USH2A: variants seen among roughly 807,000 people sequenced by gnomAD.
The protein encoded by USH2A is usherin.
In USH2A, 443 loss-of-function variants were observed where a neutral mutation model predicts 538.9. The observed-to-expected ratio is 0.82, with a 90% CI of 0.76 to 0.89. The LOEUF (loss-of-function observed/expected upper bound fraction) is 0.89, where lower values mean the gene tolerates loss of function less well. Ranked by LOEUF, USH2A falls within the 40% of genes least tolerant of loss-of-function variation. USH2A has a pLI of 0.00. For missense variants in USH2A, 6,633 were observed against 6,324.8 expected (o/e 1.05, Z -1.65); for synonymous variants, 2,413 against 2,273.5 (o/e 1.06, Z -1.75).
chr1:216,223,857 TC>T (rs1341376002), intron 14 of USH2A, among the ~76,000 whole-genome samples: 1 of 152,166 alleles, frequency 6.6e-6, no homozygotes, highest in Non-Finnish European at 1.5e-5. Flanking sequence ...TTGAGATCAA[TC>T]GGATAAAGGC....
intron 62 of USH2A, among the ~76,000 whole-genome samples, chr1:215,678,771 CCTGA>C (rs1408885047): frequency 8.5e-5 from 13 of 152,098 alleles, no homozygotes; most frequent in African/African-American, 1.4e-4. Flanking sequence ...CATCAGGGAA[CCTGA>C]CTGTCTTGTT....
intron 38 of USH2A, among the ~76,000 whole-genome samples, chr1:215,924,905 C>T (rs923765957): frequency 6.6e-6 from 1 of 151,896 alleles, no homozygotes; most frequent in African/African-American, 2.4e-5. Flanking sequence ...AGCTGGCAGC[C>T]CTTTGCTGGA....
intron 47 of USH2A, among the ~76,000 whole-genome samples, chr1:215,821,942 A>G (rs1395409662): frequency 6.6e-6 from 1 of 151,652 alleles, no homozygotes; most frequent in Non-Finnish European, 1.5e-5. Context: ...AAATGCATGG[A>G]TTTATATCTG....
intron 48 of USH2A, among the ~76,000 whole-genome samples, chr1:215,815,502 T>C (rs1052383854): frequency 3.3e-5 from 5 of 151,986 alleles, no homozygotes; most frequent in African/African-American, 9.7e-5. Context: ...AATTTAGGAA[T>C]GTTACACCAA....
intron 43 of USH2A, among the ~76,000 whole-genome samples, chr1:215,874,212 C>T (rs1664696901): frequency 6.6e-6 from 1 of 152,082 alleles, no homozygotes; most frequent in African/African-American, 2.4e-5. Flanking sequence ...GTCAGGAAAC[C>T]CAAAGTTATA....
At chr1:216,333,464 C>T (rs2037908786) in intron 4 of USH2A, among the ~76,000 whole-genome samples, 2 of 152,066 alleles carry the variant, frequency 1.3e-5, no homozygotes, top group African/African-American at 4.8e-5. Flanking sequence ...CCCCAGAAAG[C>T]TGTGGGACGC....
chr1:216,349,714 A>G (rs987664163), intron 4 of USH2A, among the ~76,000 whole-genome samples: 1 of 152,110 alleles, frequency 6.6e-6, no homozygotes, highest in Non-Finnish European at 1.5e-5. Flanking sequence ...ACTAACAAAC[A>G]ACCCACCCCT....
At chr1:216,390,075 T>A (rs932197064) in intron 3 of USH2A, among the ~76,000 whole-genome samples, 4 of 152,160 alleles carry the variant, frequency 2.6e-5, no homozygotes, top group African/African-American at 9.6e-5. Flanking sequence ...TTGAAAAATA[T>A]TTTACCTACT....
chr1:215,863,962 G>A (rs1664399358), intron 44 of USH2A, among the ~76,000 whole-genome samples: 1 of 152,234 alleles, frequency 6.6e-6, no homozygotes, highest in East Asian at 1.9e-4. Flanking sequence ...ATATTTTGAT[G>A]ATTTTTCATT....
intron 61 of USH2A, among the ~76,000 whole-genome samples, chr1:215,686,006 T>A (rs1658412961): frequency 6.6e-6 from 1 of 152,148 alleles, no homozygotes; most frequent in South Asian, 2.1e-4. Flanking sequence ...AGGCCTATTG[T>A]TTTAGTGTGT....
At chr1:215,922,104 A>G (rs1484312902) in intron 38 of USH2A, among the ~76,000 whole-genome samples, 1 of 152,120 alleles carries the variant, frequency 6.6e-6, no homozygotes, top group East Asian at 1.9e-4. Flanking sequence ...GAGGAAACAT[A>G]TTTCAAAACT....
Position 216,144,616 on chromosome 1 carries a change from T to C in USH2A, c.4627+30636A>G, listed in dbSNP as rs146380926. ...AATAGTTTAGTCAGGTAGCAGGGGATAGAAACATAAAAATGGTAAAATCTA... is the reference window on the plus strand; with the variant it reads ...AATAGTTTAGTCAGGTAGCAGGGGACAGAAACATAAAAATGGTAAAATCTA... On this transcript the variant is annotated intron_variant, in intron 21 of 71. Coordinates refer to ENST00000307340, the MANE Select transcript of USH2A (RefSeq NM_206933.4). 8.0e-3 allele frequency among the ~76,000 whole-genome samples: 1,224 copies of C among 152,272 alleles called. 16 individuals carry two copies. Among genetic ancestry groups the C allele is most frequent in the African/African-American group, 0.029 (1,192 of 41,554 alleles).
Position 215,888,544 on chromosome 1 carries a change from A to G in USH2A, c.8105T>C (p.Met2702Thr). The change falls in exon 41 of 72, where the codon ATG (methionine) becomes ACG (threonine). Residue 2702 changes from methionine to threonine, a missense_variant. By Grantham distance (81) the Met-to-Thr change is moderately conservative. Coordinates refer to ENST00000307340, the MANE Select transcript of USH2A (RefSeq NM_206933.4). ...GTTTGTGCCTCCATGAAGAGTGCTC[A>G]TCAGTACCCGATATTCATATTTTGT... The part of the protein sequence containing the change: ...PWTKYEYRVL[M>T]STLHGGTNSS... 5 of 1,614,174 alleles carry G rather than the reference A, an allele frequency of 3.1e-6. No individual in the cohort carries two copies. The highest frequency in any genetic ancestry group is 4.2e-6 in the Non-Finnish European group (5 of 1,180,016).
chr1:216,325,698 A>C, intron 5 of USH2A, 99 bp from the exon 6 acceptor site: 1 of 1,154,474 alleles, frequency 8.7e-7, no homozygotes, highest in Non-Finnish European at 1.2e-6. Flanking sequence ...TAGTGCTTTC[A>C]TGAGTATCCA....
At chr1:215,663,267 G>A (rs1298210965) in intron 64 of USH2A, among the ~76,000 whole-genome samples, 2 of 152,086 alleles carry the variant, frequency 1.3e-5, no homozygotes, top group African/African-American at 2.4e-5. Context: ...TGGGGGGATC[G>A]GATGGGGGCA....
At chr1:215,972,003 A>T (rs1667504221) in intron 35 of USH2A, among the ~76,000 whole-genome samples, 1 of 152,198 alleles carries the variant, frequency 6.6e-6, no homozygotes, top group Non-Finnish European at 1.5e-5. Context: ...AAGGTGGTGA[A>T]AAGTACAAGG....
chr1:215,713,328 G>T (rs1470740658), intron 61 of USH2A, among the ~76,000 whole-genome samples: 1 of 152,132 alleles, frequency 6.6e-6, no homozygotes, highest in African/African-American at 2.4e-5. Context: ...CCTCCTGAAG[G>T]CATACAATGA....
chr1:216,029,748 A>AT (rs1669047966), intron 32 of USH2A, among the ~76,000 whole-genome samples: 5 of 151,926 alleles, frequency 3.3e-5, no homozygotes, highest in Admixed American at 3.3e-4. Context: ...ACAAATGAAT[A>AT]AGATAGGGCA....
At chr1:216,250,514 T>C (rs948250429) in intron 12 of USH2A, among the ~76,000 whole-genome samples, 3 of 152,206 alleles carry the variant, frequency 2.0e-5, no homozygotes, top group Non-Finnish European at 4.4e-5. Context: ...CCACTTATTT[T>C]GGTCTATTAA....
Sources: gnomAD v4.1 joint callset for allele counts (sites outside exome capture counted in the v4.1 genomes callset) on GRCh38, gnomAD v4.1.1 for gene constraint, MANE v1.5 for transcripts, NCBI Gene and HGNC (gene_info 2026-07-23, HGNC 2026-07-21) for gene names.